PIP5K1B: variants seen among roughly 807,000 people sequenced by gnomAD.
The protein encoded by PIP5K1B is phosphatidylinositol 4-phosphate 5-kinase type-1 beta.
PIP5K1B carries 42 observed loss-of-function variants against 67.0 expected under a neutral mutation model. That is an observed-to-expected ratio of 0.63 (90% CI 0.49 to 0.81). The LOEUF (loss-of-function observed/expected upper bound fraction) is 0.81, where lower values mean the gene tolerates loss of function less well. Among genes scored for constraint, PIP5K1B ranks in the 30% least tolerant of loss-of-function variants. The probability of loss-of-function intolerance (pLI) is 0.00; values close to 1 mark genes in which losing one functional copy is unlikely to be tolerated. For missense variants in PIP5K1B, 459 were observed against 646.3 expected (o/e 0.71, Z 3.14); for synonymous variants, 214 against 231.4 (o/e 0.92, Z 0.68).
chr9:68,724,110 C>T (rs983433527), intron 1 of PIP5K1B, among the ~76,000 whole-genome samples: 5 of 151,978 alleles, frequency 3.3e-5, no homozygotes, highest in Non-Finnish European at 7.4e-5. Context: ...TTTCCCAGCA[C>T]TATTTATTAA....
chr9:68,835,046 C>G (rs193109147), intron 4 of PIP5K1B, among the ~76,000 whole-genome samples: 5 of 152,316 alleles, frequency 3.3e-5, no homozygotes, highest in African/African-American at 9.6e-5. Context: ...GATTTGGGAT[C>G]GTTTGGCAGC....
chr9:68,728,668 A>G (rs963415200), intron 1 of PIP5K1B: 1 of 152,190 alleles, frequency 6.6e-6, no homozygotes, highest in Non-Finnish European at 1.5e-5. Flanking sequence ...GGAAACCTGA[A>G]TGGCCAAAGC....
At chr9:68,810,753 A>T (rs1245767408) in intron 2 of PIP5K1B, among the ~76,000 whole-genome samples, 2 of 152,208 alleles carry the variant, frequency 1.3e-5, no homozygotes, top group Non-Finnish European at 2.9e-5. Flanking sequence ...AAGCTCCTCT[A>T]CCACCTTTTC....
At chr9:68,961,758 G>A (rs1168895960) in intron 14 of PIP5K1B, among the ~76,000 whole-genome samples, 1 of 152,098 alleles carries the variant, frequency 6.6e-6, no homozygotes, top group Non-Finnish European at 1.5e-5. Context: ...ATTTTCAGTT[G>A]GTCCCTTATC....
intron 15 of PIP5K1B, among the ~76,000 whole-genome samples, chr9:68,994,207 A>G (rs1830511927): frequency 6.6e-6 from 1 of 151,504 alleles, no homozygotes; most frequent in Non-Finnish European, 1.5e-5. Flanking sequence ...CGCCCAGCTA[A>G]TTTTTCGTGT....
intron 14 of PIP5K1B, among the ~76,000 whole-genome samples, chr9:68,973,474 G>C (rs1464262437): frequency 1.3e-5 from 2 of 152,166 alleles, no homozygotes; most frequent in Non-Finnish European, 2.9e-5. Flanking sequence ...GACTTTTTAA[G>C]AGGAGGTCAA....
At chr9:68,827,321 G>A (rs781334290) in intron 4 of PIP5K1B, among the ~76,000 whole-genome samples, 1 of 152,202 alleles carries the variant, frequency 6.6e-6, no homozygotes, top group Admixed American at 6.5e-5. Context: ...GTTGTTCAAC[G>A]GAACTTCCCG....
intron 1 of PIP5K1B, among the ~76,000 whole-genome samples, chr9:68,713,126 C>T (rs1365131175): frequency 6.6e-6 from 1 of 152,202 alleles, no homozygotes; most frequent in Non-Finnish European, 1.5e-5. Context: ...AGGCCAGGCG[C>T]GGTGGCTCAC....
At chr9:68,857,224 A>AT (rs1042496338) in intron 4 of PIP5K1B, among the ~76,000 whole-genome samples, 3 of 152,208 alleles carry the variant, frequency 2.0e-5, no homozygotes, top group Non-Finnish European at 4.4e-5. Context: ...ATAAGTTTGC[A>AT]TTTTTTTAAG....
At chr9:68,802,361 A>G (rs891743287) in intron 2 of PIP5K1B, among the ~76,000 whole-genome samples, 1 of 152,232 alleles carries the variant, frequency 6.6e-6, no homozygotes, top group African/African-American at 2.4e-5. Context: ...GAACAACAGA[A>G]ATACGCATAT....
chr9:69,004,673 TC>T (rs1830993960), intron 15 of PIP5K1B, among the ~76,000 whole-genome samples: 1 of 152,158 alleles, frequency 6.6e-6, no homozygotes, highest in African/African-American at 2.4e-5. Context: ...AGAAGGGACT[TC>T]TGCGTGTACC....
chr9:68,969,482 TC>T (rs1318996620), intron 14 of PIP5K1B, among the ~76,000 whole-genome samples: 7 of 151,912 alleles, frequency 4.6e-5, no homozygotes, highest in Non-Finnish European at 8.8e-5. Flanking sequence ...CATCATTTGA[TC>T]GCAGGCACAG....
chr9:68,968,205 G>T (rs1829140506), intron 14 of PIP5K1B, among the ~76,000 whole-genome samples: 1 of 152,152 alleles, frequency 6.6e-6, no homozygotes, highest in Non-Finnish European at 1.5e-5. Context: ...TTTAAATCAA[G>T]GATCAAACTA....
intron 14 of PIP5K1B, among the ~76,000 whole-genome samples, chr9:68,982,619 G>A (rs1171085249): frequency 6.6e-6 from 1 of 151,938 alleles, no homozygotes; most frequent in African/African-American, 2.4e-5. Flanking sequence ...AAAAGTAGTT[G>A]GGCATGGTGG....
At position 68,969,236 on chromosome 9, in the gene PIP5K1B, C is replaced by T. The variant is rs549272793; in HGVS notation, c.1503-21904C>T. Among the ~76,000 whole-genome samples the T allele has an allele frequency of 1.5e-3, 221 of 151,874 alleles. 3 individuals are homozygous for T. Among genetic ancestry groups the T allele is most frequent in the South Asian group, 6.9e-3 (33 of 4,796 alleles). ...ACAAAAAATTAGCCGGGCATGGTGG[C>T]GGGCACCTGTAGTCCCGGCTACTCG... On this transcript the variant is annotated intron_variant, in intron 14 of 15. Coordinates refer to ENST00000265382, the MANE Select transcript of PIP5K1B (RefSeq NM_003558.4).
At chr9:68,724,352 C>T (rs370289778) in intron 1 of PIP5K1B, among the ~76,000 whole-genome samples, 3 of 151,230 alleles carry the variant, frequency 2.0e-5, no homozygotes. Flanking sequence ...TCTTTTTGCT[C>T]AACATTTCTT....
intron 2 of PIP5K1B, among the ~76,000 whole-genome samples, chr9:68,758,174 A>C (rs1023618203): frequency 7.2e-5 from 11 of 152,222 alleles, no homozygotes; most frequent in African/African-American, 2.7e-4. Flanking sequence ...AACAAAACTC[A>C]GAATCTTGTA....
chr9:68,874,846 G>T (rs1423726630), intron 5 of PIP5K1B, among the ~76,000 whole-genome samples: 1 of 152,060 alleles, frequency 6.6e-6, no homozygotes, highest in East Asian at 1.9e-4. Context: ...AAGGCCTTGT[G>T]GTTATTTTTA....
chr9:68,954,672 A>G (rs1051495276), intron 14 of PIP5K1B, among the ~76,000 whole-genome samples: 2 of 152,232 alleles, frequency 1.3e-5, no homozygotes, highest in Non-Finnish European at 2.9e-5. Flanking sequence ...CCCAATGCCA[A>G]CATGCCCCAT....
Sources: gnomAD v4.1 joint callset for allele counts (sites outside exome capture counted in the v4.1 genomes callset) on GRCh38, gnomAD v4.1.1 for gene constraint, MANE v1.5 for transcripts, NCBI Gene and HGNC (gene_info 2026-07-23, HGNC 2026-07-21) for gene names.